Variants in C1GALT1 observed in about 807,000 individuals in gnomAD.
C1GALT1 encodes core 1 synthase, glycoprotein-N-acetylgalactosamine 3-beta-galactosyltransferase 1.
A neutral mutation model predicts 31.0 loss-of-function variants in C1GALT1; 11 were observed. The ratio of observed to expected loss-of-function variants is 0.36; its 90% CI spans 0.22 to 0.59. The LOEUF (loss-of-function observed/expected upper bound fraction) is 0.59. Among genes scored for constraint, C1GALT1 ranks in the 20% least tolerant of loss-of-function variants. The pLI is 0.79. For missense variants in C1GALT1, 424 were observed against 425.2 expected (o/e 1.00, Z 0.03); for synonymous variants, 175 against 143.6 (o/e 1.22, Z -1.56).
intron 1 of C1GALT1, among the ~76,000 whole-genome samples, chr7:7,207,170 A>G (rs1375551565): frequency 6.6e-6 from 1 of 151,726 alleles, no homozygotes. Context: ...CAATAATTTC[A>G]ATTGTTCTCT....
intron 2 of C1GALT1, among the ~76,000 whole-genome samples, chr7:7,169,885 G>C (rs537389496): frequency 6.6e-6 from 1 of 152,280 alleles, no homozygotes; most frequent in South Asian, 2.1e-4. Flanking sequence ...GTTAGAAAGT[G>C]TTCTTTCCTC....
intron 1 of C1GALT1, among the ~76,000 whole-genome samples, chr7:7,221,047 T>C (rs1019348415): frequency 1.5e-4 from 23 of 152,310 alleles, no homozygotes; most frequent in African/African-American, 4.6e-4. Flanking sequence ...ATGATATGTC[T>C]TTATGGGTCT....
At chr7:7,229,116 C>T (rs112862106) in intron 1 of C1GALT1, among the ~76,000 whole-genome samples, 6 of 152,338 alleles carry the variant, frequency 3.9e-5, no homozygotes, top group African/African-American at 1.4e-4. Flanking sequence ...ACAGTGCTTT[C>T]TGCCTAAGTG....
intron 1 of C1GALT1, among the ~76,000 whole-genome samples, chr7:7,217,742 T>C (rs1048871109): frequency 6.6e-6 from 1 of 152,172 alleles, no homozygotes; most frequent in South Asian, 2.1e-4. Context: ...GGTACAATCA[T>C]AGTTCATTGC....
intron 1 of C1GALT1, among the ~76,000 whole-genome samples, chr7:7,231,577 C>T (rs1462423500): frequency 6.6e-6 from 1 of 152,080 alleles, no homozygotes; most frequent in Non-Finnish European, 1.5e-5. Context: ...TTTTCTTCAG[C>T]TGTGACTATT....
At chr7:7,157,970 TA>T (rs1162962219) in intron 2 of C1GALT1, among the ~76,000 whole-genome samples, 9 of 152,228 alleles carry the variant, frequency 5.9e-5, no homozygotes, top group African/African-American at 2.2e-4. Context: ...ATGCCTCCTT[TA>T]ATGTTCAGAT....
At position 7,234,553 on chromosome 7, in the gene C1GALT1, T is replaced by C; in HGVS notation, c.220+14T>C. The C allele has an allele frequency of 3.8e-6, 6 of 1,569,070 alleles. No individual in the cohort carries two copies. The highest frequency in any genetic ancestry group is 5.3e-6 in the Non-Finnish European group (6 of 1,140,240). On this transcript the variant is annotated intron_variant, in intron 2 of 3. Transcript: ENST00000436587. ...GCCAACATAAAGGTATGGTTTACTT[T>C]ATTAAGCAGTAAACATAAGCAGTAT...
chr7:7,183,124 T>C (rs1311580335), intron 1 of C1GALT1, among the ~76,000 whole-genome samples: 1 of 151,936 alleles, frequency 6.6e-6, no homozygotes, highest in African/African-American at 2.4e-5. Flanking sequence ...CTCGCGCCCC[T>C]CTTCTGCTCG....
intron 1 of C1GALT1, among the ~76,000 whole-genome samples, chr7:7,192,193 C>T (rs1781104036): frequency 6.6e-6 from 1 of 151,356 alleles, no homozygotes; most frequent in Admixed American, 6.6e-5. Context: ...TGTTGGGTTA[C>T]ATGGATATGT....
intron 1 of C1GALT1, among the ~76,000 whole-genome samples, chr7:7,209,223 G>A (rs894876312): frequency 3.3e-5 from 5 of 152,102 alleles, no homozygotes; most frequent in East Asian, 1.9e-4. Flanking sequence ...CTATTGAAAC[G>A]TGACCTTCCA....
intron 1 of C1GALT1, among the ~76,000 whole-genome samples, chr7:7,215,378 C>G (rs915288500): frequency 6.6e-6 from 1 of 151,924 alleles, no homozygotes; most frequent in East Asian, 1.9e-4. Context: ...CCTTATTATC[C>G]CTTTGCCAGT....
intron 1 of C1GALT1, among the ~76,000 whole-genome samples, chr7:7,229,347 A>G (rs915345184): frequency 5.9e-5 from 9 of 152,090 alleles, no homozygotes; most frequent in African/African-American, 1.4e-4. Context: ...GAGAGTGACA[A>G]CTCAGTATCT....
chr7:7,201,676 T>C (rs76238036), intron 1 of C1GALT1, among the ~76,000 whole-genome samples: 4,704 of 152,270 alleles, frequency 0.031, 161 homozygotes, highest in African/African-American at 0.084. Context: ...CCAAGGTGCC[T>C]CTTCCAGCAG....
chr7:7,161,980 A>G (rs1382318320), intron 2 of C1GALT1, among the ~76,000 whole-genome samples: 2 of 151,918 alleles, frequency 1.3e-5, no homozygotes, highest in East Asian at 3.9e-4. Flanking sequence ...AACTTTAGCA[A>G]TTGTCATTGA....
At chr7:7,237,478 T>C (rs1255010520) in intron 2 of C1GALT1, among the ~76,000 whole-genome samples, 9 of 152,232 alleles carry the variant, frequency 5.9e-5, no homozygotes, top group African/African-American at 1.9e-4. Flanking sequence ...TAGGCCTTTT[T>C]CAAAGTAATG....
chr7:7,187,142 C>T (rs6651060), intron 1 of C1GALT1, among the ~76,000 whole-genome samples: 4,997 of 152,264 alleles, frequency 0.033, 181 homozygotes, highest in African/African-American at 0.091. Context: ...AGACTAAAAA[C>T]GCACAGTAAA....
chr7:7,211,303 G>A (rs1034124183), intron 1 of C1GALT1, among the ~76,000 whole-genome samples: 3 of 152,140 alleles, frequency 2.0e-5, no homozygotes, highest in African/African-American at 4.8e-5. Context: ...GTAGCCACCC[G>A]GGGCTGAAGC....
At chr7:7,240,884 C>G (rs1233869459) in intron 3 of C1GALT1, among the ~76,000 whole-genome samples, 1 of 151,184 alleles carries the variant, frequency 6.6e-6, no homozygotes. Context: ...CTTTTTTTTT[C>G]TATATACTAA....
intron 2 of C1GALT1, among the ~76,000 whole-genome samples, chr7:7,237,814 TC>T (rs1324250141): frequency 6.6e-6 from 1 of 152,190 alleles, no homozygotes; most frequent in East Asian, 1.9e-4. Flanking sequence ...CTGTCAGTAA[TC>T]TATTAAAAAC....
Sources: gnomAD v4.1 joint callset for allele counts (sites outside exome capture counted in the v4.1 genomes callset) on GRCh38, gnomAD v4.1.1 for gene constraint, MANE v1.5 for transcripts, NCBI Gene and HGNC (gene_info 2026-07-23, HGNC 2026-07-21) for gene names.